The following SNCAIP variants were observed in gnomAD, a reference collection of about 807,000 sequenced individuals.
The protein encoded by SNCAIP is synphilin-1.
A neutral mutation model predicts 86.7 loss-of-function variants in SNCAIP; 43 were observed. The observed-to-expected ratio is 0.50, with a 90% CI of 0.39 to 0.64. The LOEUF (loss-of-function observed/expected upper bound fraction) is 0.64. Ranked by LOEUF, SNCAIP falls within the 30% of genes least tolerant of loss-of-function variation. The pLI is 0.00. For missense variants in SNCAIP, 981 were observed against 1,103.1 expected, an observed-to-expected ratio of 0.89 and a Z score of 1.57; for synonymous variants, 417 against 427.2, an observed-to-expected ratio of 0.98 and a Z score of 0.29.
rs550942757 is a variant in SNCAIP at position 122,458,435 on chromosome 5, T to C, written c.2755-5056T>C. On this transcript the variant is annotated intron_variant, in intron 10 of 10. Coordinates refer to ENST00000261368, the MANE Select transcript of SNCAIP (RefSeq NM_005460.4). ...ACATACATGTTCTATTAATGTCATA[T>C]TTGCACCACACGTCTGCCACCACTA... is the stretch of plus-strand genomic sequence containing the variant. 2.6e-5 allele frequency among the ~76,000 whole-genome samples: 4 copies of C among 152,260 alleles called. No individual in the cohort carries two copies. The South Asian group carries it at 8.3e-4, about 32-fold the overall frequency.
At chr5:122,338,210 C>G (rs928911807) in intron 1 of SNCAIP, among the ~76,000 whole-genome samples, 1 of 152,148 alleles carries the variant, frequency 6.6e-6, no homozygotes, top group Non-Finnish European at 1.5e-5. Flanking sequence ...GCAGTGTCCC[C>G]TATATATTGT....
chr5:122,411,656 C>A (rs1451314857), intron 3 of SNCAIP, among the ~76,000 whole-genome samples: 1 of 152,100 alleles, frequency 6.6e-6, no homozygotes, highest in Admixed American at 6.5e-5. Flanking sequence ...AGTCCTGACC[C>A]TTCTGTGGCA....
chr5:122,339,749 A>G (rs959954524), intron 1 of SNCAIP, among the ~76,000 whole-genome samples: 13 of 152,362 alleles, frequency 8.5e-5, no homozygotes, highest in African/African-American at 2.4e-4. Flanking sequence ...CTGCTCGGCT[A>G]TGAAGGGTCT....
intron 6 of SNCAIP, chr5:122,436,357 G>A (rs1779471210): frequency 6.6e-6 from 1 of 152,130 alleles, no homozygotes; most frequent in Non-Finnish European, 1.5e-5. Context: ...GGCACTAGAT[G>A]AATGTCGGCT....
chr5:122,401,548 T>C (rs1004414908), intron 2 of SNCAIP, among the ~76,000 whole-genome samples: 1 of 152,244 alleles, frequency 6.6e-6, no homozygotes, highest in Non-Finnish European at 1.5e-5. Context: ...ACTTTAATTT[T>C]TCTGGATAAA....
At chr5:122,336,141 T>A (rs975180783) in intron 1 of SNCAIP, among the ~76,000 whole-genome samples, 1 of 152,106 alleles carries the variant, frequency 6.6e-6, no homozygotes, top group Non-Finnish European at 1.5e-5. Context: ...CTATTTTGCA[T>A]AGAAGTAATA....
chr5:122,453,800 C>A (rs1452714536), intron 10 of SNCAIP, among the ~76,000 whole-genome samples: 1 of 150,326 alleles, frequency 6.7e-6, no homozygotes, highest in Non-Finnish European at 1.5e-5. Context: ...CACTCTGTCA[C>A]CCAGGCTGGA....
At chr5:122,353,221 T>A (rs1760238494) in intron 1 of SNCAIP, among the ~76,000 whole-genome samples, 2 of 152,134 alleles carry the variant, frequency 1.3e-5, no homozygotes, top group Non-Finnish European at 1.5e-5. Flanking sequence ...AGCACAAGTG[T>A]ACATACCATG....
At chr5:122,369,465 T>C (rs965092409) in intron 1 of SNCAIP, among the ~76,000 whole-genome samples, 1 of 152,324 alleles carries the variant, frequency 6.6e-6, no homozygotes, top group Non-Finnish European at 1.5e-5. Flanking sequence ...CCACTTTACA[T>C]AGGATTGCAA....
chr5:122,432,381 T>A (rs187443962), intron 6 of SNCAIP, among the ~76,000 whole-genome samples: 1 of 152,286 alleles, frequency 6.6e-6, no homozygotes, highest in East Asian at 1.9e-4. Flanking sequence ...ACTGGTCCTA[T>A]AATTTAGCAC....
At chr5:122,377,580 GCA>G (rs1765629053) in intron 1 of SNCAIP, among the ~76,000 whole-genome samples, 1 of 151,954 alleles carries the variant, frequency 6.6e-6, no homozygotes, top group Non-Finnish European at 1.5e-5. Flanking sequence ...GGGTACATGT[GCA>G]CATTGTGCAG....
intron 1 of SNCAIP, among the ~76,000 whole-genome samples, chr5:122,373,951 A>G (rs1764762673): frequency 6.6e-6 from 1 of 152,142 alleles, no homozygotes; most frequent in African/African-American, 2.4e-5. Flanking sequence ...TTAAATTCGT[A>G]CCAGAAAACC....
chr5:122,431,486 C>G (rs1027478157), intron 5 of SNCAIP, among the ~76,000 whole-genome samples: 4 of 151,996 alleles, frequency 2.6e-5, no homozygotes, highest in African/African-American at 9.7e-5. Context: ...GTAAAAGAAG[C>G]CAGACACAAG....
At position 122,319,760 on chromosome 5, in the gene SNCAIP, T is replaced by A. The variant is rs967128924; in HGVS notation, c.-47+7476T>A. ...TGTTGAATGTTTACTGTGTTTGACA[T>A]GTAACCATTTATTCAGTGTTTACCG... On this transcript the variant is annotated intron_variant, in intron 1 of 10. Coordinates refer to ENST00000261368, the MANE Select transcript of SNCAIP (RefSeq NM_005460.4). Among the ~76,000 whole-genome samples the A allele has an allele frequency of 2.6e-5, 4 of 152,242 alleles. No homozygotes were observed. In the East Asian group the frequency reaches 7.7e-4, roughly 29 times the overall value.
intron 6 of SNCAIP, among the ~76,000 whole-genome samples, chr5:122,436,244 T>C (rs1345759437): frequency 6.6e-6 from 1 of 152,050 alleles, no homozygotes; most frequent in East Asian, 1.9e-4. Flanking sequence ...TAGGTCTCCC[T>C]GGACCTCAGT....
In SNCAIP at chr5:122,432,004, C is replaced by G. The variant is rs148152880; in HGVS notation, c.1218C>G (p.Ser406Arg). The G allele has an allele frequency of 1.2e-6, 2 of 1,604,848 alleles. No individual in the cohort carries two copies. Among genetic ancestry groups the G allele is most frequent in the Admixed American group, 3.3e-5 (2 of 59,846 alleles). Residue 406 changes from serine (S) to arginine (R), a missense_variant, in exon 6 of 11, where the codon AGC becomes AGG. Physicochemically the swap from Ser to Arg is moderately radical, Grantham distance 110 (BLOSUM62 -1). Transcript: ENST00000261368. ...GQLECVRWMV[S>R]ETEAIAELSC... is the part of the protein sequence containing the mutation. ...TGGAGTGCGTACGCTGGATGGTGAG[C>G]GAAACAGAAGCCATTGCAGAACTGA...
chr5:122,331,941 GTAAA>G (rs1316360941), intron 1 of SNCAIP, among the ~76,000 whole-genome samples: 22 of 152,306 alleles, frequency 1.4e-4, no homozygotes, highest in African/African-American at 5.3e-4. Flanking sequence ...CAGAAATTCA[GTAAA>G]TATTTGTTGA....
In SNCAIP at chr5:122,450,816, C is replaced by A; in HGVS notation, c.1969C>A (p.Leu657Met). 1 of 1,614,170 alleles carries A rather than the reference C, an allele frequency of 6.2e-7. No individual in the cohort carries two copies. The highest frequency in any genetic ancestry group is 1.3e-5 in the African/African-American group (1 of 75,048). ...CTCTAGAAATTCTAAAAAGATCCCA[C>A]TGGAGAAGAGGGAACTGAAGTTAGC... ...ASSRNSKKIP[L>M]EKRELKLARL... The change falls in exon 10 of 11, where the codon CTG (leucine) becomes ATG (methionine). Residue 657 changes from leucine to methionine, a missense_variant. Physicochemically the swap from Leu to Met is conservative, Grantham distance 15. Coordinates refer to ENST00000261368, the MANE Select transcript of SNCAIP (RefSeq NM_005460.4).
intron 1 of SNCAIP, among the ~76,000 whole-genome samples, chr5:122,369,043 A>G (rs1033837715): frequency 6.6e-6 from 1 of 152,190 alleles, no homozygotes; most frequent in African/African-American, 2.4e-5. Flanking sequence ...TGGTCAGACC[A>G]GCTCTGATCT....
Sources: allele counts gnomAD v4.1 joint callset (sites outside exome capture counted in the v4.1 genomes callset), GRCh38; gene constraint gnomAD v4.1.1; transcripts MANE v1.5; gene names NCBI Gene and HGNC (gene_info 2026-07-23, HGNC 2026-07-21).